PIK3C2A: variants seen among roughly 807,000 people sequenced by gnomAD.
PIK3C2A encodes phosphatidylinositol-4-phosphate 3-kinase catalytic subunit type 2 alpha, also known as phosphatidylinositol 4-phosphate 3-kinase C2 domain-containing subunit alpha.
In PIK3C2A, 97 loss-of-function variants were observed where a neutral mutation model predicts 204.5. The observed-to-expected ratio is 0.47, with a 90% CI of 0.40 to 0.56. The LOEUF (loss-of-function observed/expected upper bound fraction) is 0.56. PIK3C2A is among the 20% of genes least tolerant of loss of function. The pLI is 0.00. For synonymous variants in PIK3C2A, 653 were observed against 664.4 expected, an observed-to-expected ratio of 0.98 and a Z score of 0.26; for missense variants, 1,735 against 1,969.2, an observed-to-expected ratio of 0.88 and a Z score of 2.25.
Position 17,118,701 on chromosome 11 carries a change from C to T in PIK3C2A, c.2979G>A (p.Val993=), listed in dbSNP as rs1384548982. ...CCAATGCCCTGGACAAAAGGAATTG[C>T]ACTAATGAACTATTCAAGTAAATTT... is the stretch of plus-strand genomic sequence containing the variant. ...KYEIYLNSSL[V]QFLLSRALGN... is the part of the protein sequence containing the mutation. Residue 993 remains valine (V), a synonymous_variant, in exon 18 of 33, where the codon GTG becomes GTA. Transcript: ENST00000691414. 6.4e-7 allele frequency: 1 copy of T among 1,563,424 alleles called. No homozygotes were observed. The highest frequency in any genetic ancestry group is 8.8e-7 in the Non-Finnish European group (1 of 1,136,580).
rs1850301965 is a variant in PIK3C2A at position 17,148,014 on chromosome 11, T to G, written c.1449-386A>C. 2.0e-5 allele frequency among the ~76,000 whole-genome samples: 3 copies of G among 151,982 alleles called. No homozygotes were observed. In the South Asian group the frequency reaches 6.2e-4, roughly 32 times the overall value. On this transcript the variant is annotated intron_variant, in intron 5 of 32. Coordinates refer to ENST00000691414, the MANE Select transcript of PIK3C2A (RefSeq NM_002645.4). ...GGGTGGATCACCTGAGGTCGAGAGT[T>G]CGAGACCAGCCTGACCAACAGGCTG...
rs1848240701 is a variant in PIK3C2A, at chr11:17,089,657, GTGTGTGTGTC to G, written c.*71_*80del. ...TACTATACAAAATTAACAAGTGTGT[GTGTGTGTGTC>G]TGTGTGTGTGTGCATGTATGCATGC... On this transcript the variant is annotated 3_prime_UTR_variant, in exon 33 of 33. Coordinates refer to ENST00000691414, the MANE Select transcript of PIK3C2A (RefSeq NM_002645.4). 1.3e-6 allele frequency: 1 copy of G among 781,090 alleles called. No individual in the cohort carries two copies. Among genetic ancestry groups the G allele is most frequent in the Non-Finnish European group, 2.1e-6 (1 of 475,730 alleles). The allele number at this position is 781,090 out of a possible 1,614,324, so 48.4% of individuals were successfully genotyped here. A position where few individuals can be genotyped will look rare whatever the true frequency, so the allele number is the denominator to read the frequency against.
chr11:17,169,394 T>C lies in PIK3C2A; in HGVS notation c.348A>G (p.Val116=), dbSNP rs781384970. 3.0e-5 allele frequency: 48 copies of C among 1,614,144 alleles called. No individual in the cohort carries two copies. The Middle Eastern group carries it at 8.2e-4, about 28-fold the overall frequency. ...GGCTCAGAATAGGAGTAACTGGTAA[T>C]ACAGGTGTTTTTTTAGTCTCGAAAC... is the stretch of plus-strand genomic sequence containing the variant. The part of the protein sequence containing the change: ...DDSFETKKTP[V]LPVTPILSPS... Residue 116 remains valine, a synonymous_variant, in exon 2 of 33, where the codon GTA becomes GTG. Coordinates refer to ENST00000691414, the MANE Select transcript of PIK3C2A (RefSeq NM_002645.4).
At chr11:17,097,979 A>C (rs1003595006) in intron 26 of PIK3C2A, among the ~76,000 whole-genome samples, 1 of 152,160 alleles carries the variant, frequency 6.6e-6, no homozygotes, top group Non-Finnish European at 1.5e-5. Flanking sequence ...TCTCCTATCA[A>C]ACAGTAGAAC....
chr11:17,162,543 A>C (rs747246834), intron 2 of PIK3C2A, among the ~76,000 whole-genome samples: 2 of 152,176 alleles, frequency 1.3e-5, no homozygotes, highest in Admixed American at 6.5e-5. Flanking sequence ...TGTACAACAA[A>C]CTGTAACCTA....
At chr11:17,163,449 G>A (rs1007170866) in intron 2 of PIK3C2A, among the ~76,000 whole-genome samples, 1 of 152,158 alleles carries the variant, frequency 6.6e-6, no homozygotes, top group African/African-American at 2.4e-5. Context: ...AGCCTTGGCT[G>A]GAGTACAAGG....
In PIK3C2A at chr11:17,169,408, T is replaced by C. The variant is rs748406705; in HGVS notation, c.334A>G (p.Lys112Glu). 5.6e-6 allele frequency: 9 copies of C among 1,614,062 alleles called. No individual in the cohort carries two copies. In the African/African-American group the frequency reaches 1.1e-4, roughly 19 times the overall value. Residue 112 changes from lysine (K) to glutamate (E), a missense_variant, in exon 2 of 33, where the codon AAA (lysine) becomes GAA (glutamate). Physicochemically the swap from Lys to Glu is moderately conservative, Grantham distance 56 (BLOSUM62 1). Coordinates refer to ENST00000691414, the MANE Select transcript of PIK3C2A (RefSeq NM_002645.4). Reference sequence around the variant, plus strand: ...GTAACTGGTAATACAGGTGTTTTTTTAGTCTCGAAACTGTCATCCAGCAAT... The same window carrying C: ...GTAACTGGTAATACAGGTGTTTTTTCAGTCTCGAAACTGTCATCCAGCAAT... ...KLLLDDSFETKKTPVLPVTPI... is the reference protein window; with the variant it reads ...KLLLDDSFETEKTPVLPVTPI...
intron 20 of PIK3C2A, 88 bp from the exon 21 acceptor site, chr11:17,112,754 C>A (rs983981644): frequency 1.8e-6 from 1 of 556,530 alleles, no homozygotes; most frequent in Non-Finnish European, 3.2e-6. Context: ...CCTTTCACTT[C>A]TTCCTTTGTG....
At chr11:17,157,277 T>C (rs748380776) in intron 2 of PIK3C2A, among the ~76,000 whole-genome samples, 11 of 152,022 alleles carry the variant, frequency 7.2e-5, no homozygotes, top group Non-Finnish European at 7.4e-5. Context: ...CTGGCCAACA[T>C]GGTGAAACCT....
intron 1 of PIK3C2A, among the ~76,000 whole-genome samples, chr11:17,170,766 A>G (rs1447209986): frequency 6.6e-6 from 1 of 152,132 alleles, no homozygotes; most frequent in African/African-American, 2.4e-5. Flanking sequence ...ATATGATAAA[A>G]GGGTTAAATA....
At chr11:17,174,580 C>T (rs554480149) in intron 1 of PIK3C2A, among the ~76,000 whole-genome samples, 1 of 78,516 alleles carries the variant, frequency 1.3e-5, no homozygotes, top group East Asian at 5.4e-4. Context: ...GGCGACAGAG[C>T]GAGACTCCGT....
intron 8 of PIK3C2A, among the ~76,000 whole-genome samples, chr11:17,144,245 G>T (rs2137418448): frequency 6.6e-6 from 1 of 152,138 alleles, no homozygotes; most frequent in African/African-American, 2.4e-5. Flanking sequence ...CTTGGTTCAG[G>T]GAACATCCCT....
At chr11:17,181,804 T>C (rs1851577461) in intron 1 of PIK3C2A, among the ~76,000 whole-genome samples, 2 of 151,884 alleles carry the variant, frequency 1.3e-5, no homozygotes, top group African/African-American at 4.8e-5. Flanking sequence ...TATCAAAAGT[T>C]AGAATAGCCG....
chr11:17,140,996 G>A (rs1850045857), intron 8 of PIK3C2A, among the ~76,000 whole-genome samples: 1 of 152,190 alleles, frequency 6.6e-6, no homozygotes, highest in East Asian at 1.9e-4. Context: ...ATGCACAGGG[G>A]TCCCCAGTGG....
intron 22 of PIK3C2A, among the ~76,000 whole-genome samples, chr11:17,108,356 C>T (rs1242378667): frequency 6.6e-6 from 1 of 152,168 alleles, no homozygotes; most frequent in African/African-American, 2.4e-5. Flanking sequence ...ACACTCCCTG[C>T]TACTTGGGAG....
chr11:17,149,402 A>C (rs1850356306), intron 4 of PIK3C2A, among the ~76,000 whole-genome samples: 2 of 152,146 alleles, frequency 1.3e-5, no homozygotes, highest in African/African-American at 4.8e-5. Context: ...CAGTTGTATG[A>C]TAATACTATG....
At chr11:17,154,015 A>AT (rs1442788970) in intron 3 of PIK3C2A, among the ~76,000 whole-genome samples, 3 of 152,212 alleles carry the variant, frequency 2.0e-5, no homozygotes, top group African/African-American at 7.2e-5. Context: ...ACTAATGAAA[A>AT]TAAAATTACA....
At chr11:17,123,244 C>T (rs544994347) in intron 13 of PIK3C2A, among the ~76,000 whole-genome samples, 119 of 152,082 alleles carry the variant, frequency 7.8e-4, no homozygotes, top group Admixed American at 1.6e-3. Flanking sequence ...AAACAAAACA[C>T]GTTTTTTTGT....
At chr11:17,189,472 G>A in intron 1 of PIK3C2A, among the ~76,000 whole-genome samples, 1 of 146,000 alleles carries the variant, frequency 6.8e-6, no homozygotes. Context: ...AAAATTAGCT[G>A]GGCATGGTAG....
Sources: allele counts gnomAD v4.1 joint callset (sites outside exome capture counted in the v4.1 genomes callset), GRCh38; gene constraint gnomAD v4.1.1; transcripts MANE v1.5; gene names NCBI Gene and HGNC (gene_info 2026-07-23, HGNC 2026-07-21).